DCDC1: variants seen among roughly 807,000 people sequenced by gnomAD.
The protein encoded by DCDC1 is doublecortin domain containing 1.
DCDC1 carries 200 observed loss-of-function variants against 178.3 expected under a neutral mutation model. That is an observed-to-expected ratio of 1.12 (90% confidence interval 1.00 to 1.26). The LOEUF (loss-of-function observed/expected upper bound fraction) is 1.26, where lower values mean the gene tolerates loss of function less well. Ranked by LOEUF, DCDC1 falls within the 50% of genes most tolerant of loss-of-function variation. DCDC1 has a pLI of 0.00. For synonymous variants in DCDC1, 690 were observed against 604.8 expected (o/e 1.14, Z -2.07); for missense variants, 1,983 against 1,749.2 (o/e 1.13, Z -2.38).
At chr11:31,031,373 T>C (rs982858824) in intron 20 of DCDC1, among the ~76,000 whole-genome samples, 2 of 152,168 alleles carry the variant, frequency 1.3e-5, no homozygotes, top group African/African-American at 2.4e-5. Context: ...TGTTAAAATA[T>C]CTGAGATCAA....
intron 9 of DCDC1, among the ~76,000 whole-genome samples, chr11:31,192,734 T>C (rs1454609824): frequency 1.3e-5 from 2 of 152,060 alleles, no homozygotes; most frequent in Non-Finnish European, 2.9e-5. Context: ...AAGACTCTGA[T>C]GGTTAGTTTT....
intron 20 of DCDC1, among the ~76,000 whole-genome samples, chr11:31,059,222 T>C (rs1955780769): frequency 6.6e-6 from 1 of 152,142 alleles, no homozygotes; most frequent in Non-Finnish European, 1.5e-5. Flanking sequence ...TGCTTGATTT[T>C]TGACTTTGTT....
intron 21 of DCDC1, among the ~76,000 whole-genome samples, chr11:30,950,653 A>C (rs1289619048): frequency 1.3e-5 from 2 of 152,186 alleles, no homozygotes; most frequent in African/African-American, 4.8e-5. Context: ...AAAAATAAAT[A>C]AAATTTAACT....
intron 12 of DCDC1, 34 bp downstream of exon 12, chr11:31,110,226 C>T: frequency 1.5e-6 from 1 of 684,640 alleles, no homozygotes; most frequent in African/African-American, 1.8e-5. Context: ...TTGCAAGACA[C>T]TTAAAGTCAT....
chr11:31,247,172 C>T (rs1204524196), intron 8 of DCDC1, among the ~76,000 whole-genome samples: 6 of 151,930 alleles, frequency 3.9e-5, no homozygotes, highest in Non-Finnish European at 7.4e-5. Context: ...TATAGGACAC[C>T]TGGTTATTTT....
At chr11:30,895,658 C>T (rs547895040) in intron 34 of DCDC1, among the ~76,000 whole-genome samples, 1 of 152,018 alleles carries the variant, frequency 6.6e-6, no homozygotes, top group East Asian at 1.9e-4. Context: ...TTATTATGTC[C>T]CTAATAAGCA....
intron 38 of DCDC1, among the ~76,000 whole-genome samples, chr11:30,871,883 CAT>C (rs139416451): frequency 0.024 from 3,589 of 151,602 alleles, 121 homozygotes; most frequent in African/African-American, 0.082. Context: ...CATATGTATA[CAT>C]ATATATACAC....
intron 17 of DCDC1, among the ~76,000 whole-genome samples, chr11:31,080,896 T>C (rs933263509): frequency 3.3e-5 from 5 of 152,246 alleles, no homozygotes; most frequent in Admixed American, 6.5e-5. Context: ...ACATCTGCAA[T>C]TGGCAATTAA....
intron 20 of DCDC1, among the ~76,000 whole-genome samples, chr11:31,045,157 G>A (rs1381738635): frequency 2.0e-5 from 3 of 151,950 alleles, no homozygotes; most frequent in Admixed American, 2.0e-4. Context: ...TATGTGTGTA[G>A]ACTAAAAAGG....
chr11:31,042,194 ACTAT>A (rs546385140), intron 20 of DCDC1, among the ~76,000 whole-genome samples: 114 of 152,348 alleles, frequency 7.5e-4, no homozygotes, highest in African/African-American at 2.5e-3. Context: ...TTCTTGGCTA[ACTAT>A]CTGAGTGGCC....
chr11:30,934,733 C>T (rs575195313), intron 21 of DCDC1, among the ~76,000 whole-genome samples: 2 of 152,264 alleles, frequency 1.3e-5, no homozygotes, highest in South Asian at 2.1e-4. Context: ...CTAAGGGAAA[C>T]GGAACCACCT....
chr11:31,161,579 C>G (rs940102436), intron 9 of DCDC1, among the ~76,000 whole-genome samples: 1 of 152,162 alleles, frequency 6.6e-6, no homozygotes, highest in Non-Finnish European at 1.5e-5. Context: ...AGTACCAACA[C>G]TGTGGCCCCA....
intron 3 of DCDC1, among the ~76,000 whole-genome samples, chr11:31,324,606 G>A (rs1949550886): frequency 6.6e-6 from 1 of 152,112 alleles, no homozygotes; most frequent in Non-Finnish European, 1.5e-5. Flanking sequence ...GTGAAGGTGT[G>A]ACCATGCTTC....
At chr11:31,128,904 A>G (rs1962025954) in intron 10 of DCDC1, among the ~76,000 whole-genome samples, 3 of 152,148 alleles carry the variant, frequency 2.0e-5, no homozygotes, top group Admixed American at 2.0e-4. Context: ...TTCTATCTCT[A>G]TCACTATTTC....
intron 20 of DCDC1, among the ~76,000 whole-genome samples, chr11:31,007,672 C>CT (rs916065043): frequency 4.2e-4 from 62 of 147,564 alleles, no homozygotes; most frequent in East Asian, 1.2e-3. Flanking sequence ...CTTTTTTTTT[C>CT]TTTTTTTTTG....
chr11:31,257,285 T>C (rs1464371396), intron 8 of DCDC1, among the ~76,000 whole-genome samples: 1 of 152,212 alleles, frequency 6.6e-6, no homozygotes, highest in Non-Finnish European at 1.5e-5. Flanking sequence ...ATTAGATTCA[T>C]GTGGCTTGTT....
intron 1 of DCDC1, among the ~76,000 whole-genome samples, chr11:31,357,474 C>A (rs552115284): frequency 6.6e-6 from 1 of 152,120 alleles, no homozygotes; most frequent in Admixed American, 6.5e-5. Flanking sequence ...AACCCACAGC[C>A]AATATCATAC....
At chr11:31,131,188 CA>C (rs565349028) in intron 10 of DCDC1, among the ~76,000 whole-genome samples, 19 of 21,550 alleles carry the variant, frequency 8.8e-4, no homozygotes, top group Admixed American at 1.7e-3. Context: ...GACTCCGTCT[CA>C]AAAAAAAAAA....
chr11:31,095,985 T>A (rs1958123889), intron 15 of DCDC1, among the ~76,000 whole-genome samples: 1 of 152,216 alleles, frequency 6.6e-6, no homozygotes, highest in African/African-American at 2.4e-5. Context: ...CCATTCTACA[T>A]CTATGCTAAT....
Sources: allele counts gnomAD v4.1 joint callset (sites outside exome capture counted in the v4.1 genomes callset), GRCh38; gene constraint gnomAD v4.1.1; transcripts MANE v1.5; gene names NCBI Gene and HGNC (gene_info 2026-07-23, HGNC 2026-07-21).